MGLL: variants seen among roughly 807,000 people sequenced by gnomAD.
MGLL encodes lysophospholipase homolog.
In MGLL, 7 loss-of-function variants were observed where a neutral mutation model predicts 29.1. The ratio of observed to expected loss-of-function variants is 0.24; its 90% confidence interval spans 0.14 to 0.45. The LOEUF (loss-of-function observed/expected upper bound fraction) is 0.45. Ranked by LOEUF, MGLL falls within the 20% of genes least tolerant of loss-of-function variation. MGLL has a pLI of 0.99. For missense variants in MGLL, 356 were observed against 413.6 expected, an observed-to-expected ratio of 0.86 and a Z score of 1.21; for synonymous variants, 148 against 168.3, an observed-to-expected ratio of 0.88 and a Z score of 0.93.
At chr3:127,785,605 T>G (rs560790038) in intron 2 of MGLL, among the ~76,000 whole-genome samples, 3 of 152,274 alleles carry the variant, frequency 2.0e-5, no homozygotes. Flanking sequence ...GGATTCCCAG[T>G]GTGACCACGC....
chr3:127,779,499 C>CTT (rs35951289), intron 3 of MGLL, among the ~76,000 whole-genome samples: 49 of 148,334 alleles, frequency 3.3e-4, no homozygotes, highest in South Asian at 2.1e-3. Context: ...TAGAACCAGC[C>CTT]TTTTTTTTTT....
rs923589397 is a variant in MGLL, at chr3:127,701,273, G to A, written c.601-6083C>T. Among the ~76,000 whole-genome samples the A allele has an allele frequency of 7.3e-5, 10 of 137,754 alleles. No homozygotes were observed. The South Asian group carries it at 9.6e-4, about 13-fold the overall frequency. The allele number at this position is 137,754 out of a possible 152,430, so 90.4% of individuals were successfully genotyped here. ...CAATAGCAACAACAAAAAAAACAAC[G>A]TCAATGTCCTGTGGAAGTTGGCCTG... On this transcript the variant is annotated intron_variant, in intron 6 of 7. Coordinates refer to ENST00000265052, the MANE Select transcript of MGLL (RefSeq NM_007283.7).
intron 2 of MGLL, among the ~76,000 whole-genome samples, chr3:127,805,281 T>G (rs1368373322): frequency 6.6e-6 from 1 of 152,178 alleles, no homozygotes; most frequent in Non-Finnish European, 1.5e-5. Flanking sequence ...GATCAGGAAT[T>G]TATTGAGAAT....
intron 2 of MGLL, among the ~76,000 whole-genome samples, chr3:127,789,789 C>A (rs2077271223): frequency 6.6e-6 from 1 of 152,062 alleles, no homozygotes. Flanking sequence ...TTAATAGAGG[C>A]ATTTTCCAAG....
At chr3:127,771,672 A>C (rs1188745921) in intron 3 of MGLL, among the ~76,000 whole-genome samples, 1 of 152,132 alleles carries the variant, frequency 6.6e-6, no homozygotes, top group African/African-American at 2.4e-5. Context: ...ATTTAGCTTT[A>C]AACGTTTTCA....
chr3:127,742,504 C>G (rs1236349615), intron 3 of MGLL, among the ~76,000 whole-genome samples: 1 of 147,136 alleles, frequency 6.8e-6, no homozygotes, highest in African/African-American at 2.5e-5. Flanking sequence ...GCAGGAGACT[C>G]GCTTGAGCCC....
chr3:127,732,908 G>A (rs569840098), intron 3 of MGLL, among the ~76,000 whole-genome samples: 1 of 152,144 alleles, frequency 6.6e-6, no homozygotes, highest in Non-Finnish European at 1.5e-5. Context: ...TCCAGCCCAG[G>A]GCTGTCTGAG....
intron 3 of MGLL, among the ~76,000 whole-genome samples, chr3:127,775,782 C>T (rs1282428742): frequency 6.6e-6 from 1 of 152,214 alleles, no homozygotes; most frequent in African/African-American, 2.4e-5. Flanking sequence ...TGGGGAAGGG[C>T]CCTTTCCAGC....
intron 5 of MGLL, among the ~76,000 whole-genome samples, chr3:127,718,016 T>C (rs2075848448): frequency 6.6e-6 from 1 of 152,158 alleles, no homozygotes; most frequent in African/African-American, 2.4e-5. Flanking sequence ...AGAGACAATG[T>C]TTGGGGCCCC....
At chr3:127,717,585 T>C (rs544294705) in intron 5 of MGLL, among the ~76,000 whole-genome samples, 2 of 152,274 alleles carry the variant, frequency 1.3e-5, no homozygotes, top group Non-Finnish European at 2.9e-5. Flanking sequence ...GGGAGTATCT[T>C]GAAGCACTGG....
chr3:127,726,165 AAAGAAAGAAAGAAAGAAAGAAAAGAAAAG>A (rs1275912047), intron 3 of MGLL, among the ~76,000 whole-genome samples: 11 of 30,776 alleles, frequency 3.6e-4, no homozygotes, highest in East Asian at 3.1e-3. Flanking sequence ...AGAAAGAAAG[AAAGAAAGAAAGAAAGAAAGAAAAGAAAAG>A]AAAGAAAGAA....
chr3:127,723,024 C>G (rs1041695717), intron 3 of MGLL, among the ~76,000 whole-genome samples: 3 of 152,216 alleles, frequency 2.0e-5, no homozygotes, highest in Admixed American at 6.5e-5. Context: ...ACACTCAGCC[C>G]CTCATCTTAC....
chr3:127,696,232 C>T (rs2075359047), intron 6 of MGLL, among the ~76,000 whole-genome samples: 1 of 152,094 alleles, frequency 6.6e-6, no homozygotes, highest in African/African-American at 2.4e-5. Flanking sequence ...CCTGTCCTTG[C>T]TCTCCCTGGC....
At chr3:127,738,401 C>T (rs757530751) in intron 3 of MGLL, among the ~76,000 whole-genome samples, 6 of 152,266 alleles carry the variant, frequency 3.9e-5, no homozygotes, top group South Asian at 2.1e-4. Flanking sequence ...GAGCAAGCCA[C>T]GCCTTGGGAG....
At chr3:127,782,797 A>G (rs984097280) in intron 2 of MGLL, among the ~76,000 whole-genome samples, 5 of 152,252 alleles carry the variant, frequency 3.3e-5, no homozygotes, top group Admixed American at 2.0e-4. Flanking sequence ...AGCATTTACT[A>G]TGCACCCGTT....
Position 127,728,232 on chromosome 3 carries a change from G to A in MGLL, c.263-5666C>T, listed in dbSNP as rs574952883. Among the ~76,000 whole-genome samples the A allele has an allele frequency of 1.4e-4, 21 of 152,236 alleles. No homozygotes were observed. In the South Asian group the frequency reaches 1.9e-3, roughly 14 times the overall value. Reference sequence around the variant, plus strand: ...TCCATCTCCCCGCTCGTTCCCTAGCGTTAATCATTCTAATTATTTTCTGTT... The same window carrying A: ...TCCATCTCCCCGCTCGTTCCCTAGCATTAATCATTCTAATTATTTTCTGTT... On this transcript the variant is annotated intron_variant, in intron 3 of 7. Coordinates refer to ENST00000265052, the MANE Select transcript of MGLL (RefSeq NM_007283.7).
At chr3:127,717,287 G>C (rs759645565) in intron 5 of MGLL, among the ~76,000 whole-genome samples, 18 of 152,186 alleles carry the variant, frequency 1.2e-4, no homozygotes, top group Admixed American at 1.1e-3. Context: ...AAAAACAGAT[G>C]AGTGACATTC....
intron 2 of MGLL, among the ~76,000 whole-genome samples, chr3:127,797,229 G>A (rs948845628): frequency 6.6e-6 from 1 of 151,990 alleles, no homozygotes; most frequent in African/African-American, 2.4e-5. Flanking sequence ...GTGTATCCCA[G>A]GACTGCTTTC....
Position 127,726,119 on chromosome 3 carries a change from G to GGAAAGAAA in MGLL, c.263-3561_263-3554dup, listed in dbSNP as rs869029966. Among the ~76,000 whole-genome samples, 746 of 75,132 alleles carry GGAAAGAAA rather than the reference G, an allele frequency of 9.9e-3. 19 individuals are homozygous for GGAAAGAAA. Among genetic ancestry groups the GGAAAGAAA allele is most frequent in the East Asian group, 0.022 (59 of 2,668 alleles). 49.3% of individuals were successfully genotyped at this position (75,132 alleles called of 152,430 possible). ...AAACAGAAGAAAGAGAAAGAAAGCA[G>GGAAAGAAA]GAAAGAAAGAAAGAAAGAAAGAAAG... On this transcript the variant is annotated intron_variant, in intron 3 of 7. Coordinates refer to ENST00000265052, the MANE Select transcript of MGLL (RefSeq NM_007283.7).
Sources: allele counts gnomAD v4.1 joint callset (sites outside exome capture counted in the v4.1 genomes callset), GRCh38; gene constraint gnomAD v4.1.1; transcripts MANE v1.5; gene names NCBI Gene and HGNC (gene_info 2026-07-23, HGNC 2026-07-21).